Variants in APLP1 observed in about 807,000 individuals in gnomAD.
APLP1 encodes the protein amyloid beta (A4) precursor-like protein 1.
APLP1 carries 46 observed loss-of-function variants against 84.5 expected under a neutral mutation model. The ratio of observed to expected loss-of-function variants is 0.54; its 90% CI spans 0.43 to 0.70. The LOEUF (loss-of-function observed/expected upper bound fraction) is 0.70. APLP1 is among the 30% of genes least tolerant of loss of function. The probability of loss-of-function intolerance (pLI) is 0.00; values close to 1 mark genes in which losing one functional copy is unlikely to be tolerated. For missense variants in APLP1, 826 were observed against 900.2 expected, an observed-to-expected ratio of 0.92 and a Z score of 1.05; for synonymous variants, 376 against 364.0, an observed-to-expected ratio of 1.03 and a Z score of -0.38.
chr19:35,868,725 T>A lies in APLP1; in HGVS notation c.89T>A (p.Leu30His). The A allele has an allele frequency of 7.1e-7, 1 of 1,401,604 alleles. No homozygotes were observed. Among genetic ancestry groups the A allele is most frequent in the African/African-American group, 1.5e-5 (1 of 66,246 alleles). The allele number at this position is 1,401,604 out of a possible 1,614,324, so 86.8% of individuals were successfully genotyped here. The change falls in exon 1 of 17, where the codon CTT (leucine) becomes CAT (histidine). Residue 30 changes from leucine (L) to histidine (H), a missense_variant. By Grantham distance (99) the Leu-to-His change is moderately conservative. Coordinates refer to ENST00000221891, the MANE Select transcript of APLP1 (RefSeq NM_001024807.3). The surrounding 1 kb of genome is among the most constrained non-coding windows in gnomAD (Gnocchi z 5.2). ...CTGCTGCTGCCACTATTGCTGCTGC[T>A]TCTGCGCGCGCAGCCCGCCATCGGG... is the stretch of plus-strand genomic sequence containing the variant. ...LPLLLPLLLLLLRAQPAIGSL... is the reference protein window; with the variant it reads ...LPLLLPLLLLHLRAQPAIGSL...
In APLP1 at chr19:35,871,594, G is replaced by A. The variant is rs1225222789; in HGVS notation, c.538-18G>A. ...TCCCATCCCACAATCCTGGCATCTG[G>A]GCCCACTCTTCCTACAGGCCTGCAG... On this transcript the variant is annotated intron_variant, in intron 4 of 16. Transcript: ENST00000221891. 1.2e-6 allele frequency: 2 copies of A among 1,613,324 alleles called. No homozygotes were observed. The highest frequency in any genetic ancestry group is 1.7e-6 in the Non-Finnish European group (2 of 1,179,894).
chr19:35,878,638 A>T lies in APLP1; in HGVS notation c.1634A>T (p.Glu545Val). 1 of 1,614,110 alleles carries T rather than the reference A, an allele frequency of 6.2e-7. No homozygotes were observed. The highest frequency in any genetic ancestry group is 8.5e-7 in the Non-Finnish European group (1 of 1,180,016). ...GAGAAAGAGAAGATGAACCCGCTGG[A>T]ACAGTATGAGCGAAAGGTAAGTTAG... Reference protein sequence around the residue: ...SPEKEKMNPLEQYERKVNASV... With the variant: ...SPEKEKMNPLVQYERKVNASV... Residue 545 changes from glutamate to valine, a missense_variant, in exon 14 of 17, where the codon GAA (glutamate) becomes GTA (valine). Around this residue, in one of 3 missense-constraint regions of APLP1, gnomAD observed 433 missense variants for 496.5 expected, o/e 0.87. Transcript: ENST00000221891.
chr19:35,872,116 T>C (rs1974170523), intron 6 of APLP1, 80 bp downstream of exon 6: 2 of 1,515,544 alleles, frequency 1.3e-6, no homozygotes. Context: ...GGGGGTGTCT[T>C]TGGGAGGGGC....
chr19:35,873,718 G>A lies in APLP1; in HGVS notation c.1056+5G>A. On this transcript the variant is annotated splice_donor_5th_base_variant and intron_variant, in intron 8 of 16. Coordinates refer to ENST00000221891, the MANE Select transcript of APLP1 (RefSeq NM_001024807.3). ...GACAGACAGGCCCTGAATGAGGTAGGACAGCCCCAGTGGGTCCTACTCATG... is the reference window on the plus strand; with the variant it reads ...GACAGACAGGCCCTGAATGAGGTAGAACAGCCCCAGTGGGTCCTACTCATG... The A allele has an allele frequency of 6.2e-7, 1 of 1,613,624 alleles. No individual in the cohort carries two copies. The highest frequency in any genetic ancestry group is 8.5e-7 in the Non-Finnish European group (1 of 1,179,812).
chr19:35,878,693 A>G lies in APLP1; in HGVS notation c.1650+39A>G, dbSNP rs767441992. 2.5e-6 allele frequency: 4 copies of G among 1,610,592 alleles called. No individual in the cohort carries two copies. In the East Asian group the frequency reaches 8.9e-5, roughly 36 times the overall value. On this transcript the variant is annotated intron_variant, in intron 14 of 16. Transcript: ENST00000221891. ...AACTGTGGGCTCCCTAAGGGGAACAAGATCGGGGCCTATATGGCTGGGTAC... is the reference window on the plus strand; with the variant it reads ...AACTGTGGGCTCCCTAAGGGGAACAGGATCGGGGCCTATATGGCTGGGTAC...
At chr19:35,873,738 C>G in intron 8 of APLP1, 25 bp downstream of exon 8, 3 of 1,607,516 alleles carry the variant, frequency 1.9e-6, no homozygotes, top group Non-Finnish European at 2.6e-6. Flanking sequence ...GTGGGTCCTA[C>G]TCATGCCTGT....
chr19:35,873,650 A>G lies in APLP1; in HGVS notation c.993A>G (p.Glu331=), dbSNP rs1464905605. ...RMRQINEVMR[E]WAMADNQSKN... ...CCCTCCCTATGCAGGTGATGCGTGA[A>G]TGGGCCATGGCAGACAACCAGTCCA... Residue 331 remains glutamate (E), a synonymous_variant, in exon 8 of 17, where the codon GAA becomes GAG. Coordinates refer to ENST00000221891, the MANE Select transcript of APLP1 (RefSeq NM_001024807.3). The G allele has an allele frequency of 6.2e-7, 1 of 1,614,016 alleles. No individual in the cohort carries two copies. Among genetic ancestry groups the G allele is most frequent in the Non-Finnish European group, 8.5e-7 (1 of 1,180,022 alleles).
At chr19:35,873,281 C>T (rs1974203544) in intron 7 of APLP1, among the ~76,000 whole-genome samples, 1 of 144,876 alleles carries the variant, frequency 6.9e-6, no homozygotes, top group East Asian at 2.0e-4. Flanking sequence ...GAGTTTCGCT[C>T]TGTTGCCCAG....
At position 35,877,639 on chromosome 19, in the gene APLP1, C is replaced by T. The variant is rs1974315591; in HGVS notation, c.1445-79C>T. ...TGACTCTGCTGTCTGCATGATCTCC[C>T]ACTTGCTCTACTGGTAGGGTGCCCT... On this transcript the variant is annotated intron_variant, in intron 11 of 16. Coordinates refer to ENST00000221891, the MANE Select transcript of APLP1 (RefSeq NM_001024807.3). The T allele has an allele frequency of 5.5e-6, 5 of 905,780 alleles. No individual in the cohort carries two copies. In the South Asian group the frequency reaches 7.5e-5, roughly 14 times the overall value. The allele number at this position is 905,780 out of a possible 1,614,324, so 56.1% of individuals were successfully genotyped here.
rs142596936 is a variant in APLP1, at chr19:35,871,252, G to A, written c.440G>A (p.Ser147Asn). 8.7e-6 allele frequency: 14 copies of A among 1,613,500 alleles called. No individual in the cohort carries two copies. The highest frequency in any genetic ancestry group is 1.1e-5 in the Non-Finnish European group (13 of 1,179,790). The change falls in exon 4 of 17, where the codon AGT becomes AAT. Residue 147 changes from serine (S) to asparagine (N), a missense_variant. By Grantham distance (46) the Ser-to-Asn change is conservative (BLOSUM62 1). This residue lies in a region of APLP1 where 383 missense variants were observed against 378.3 expected (regional missense o/e 1.01). Coordinates refer to ENST00000221891, the MANE Select transcript of APLP1 (RefSeq NM_001024807.3). ...PFRCLPGEFV[S>N]EALLVPEGCR... is the part of the protein sequence containing the mutation. ...GCTTCCCCAGCTGGTGAATTTGTGAGTGAGGCCCTGCTGGTGCCTGAAGGC... is the reference window on the plus strand; with the variant it reads ...GCTTCCCCAGCTGGTGAATTTGTGAATGAGGCCCTGCTGGTGCCTGAAGGC...
chr19:35,874,532 A>G lies in APLP1; in HGVS notation c.1085A>G (p.Glu362Gly), dbSNP rs1201271504. Reference sequence around the variant, plus strand: ...TTCCAGTCCATTCTGCAGACTCTGGAGGAGCAGGTGTCTGGTGAGCGACAG... The same window carrying G: ...TTCCAGTCCATTCTGCAGACTCTGGGGGAGCAGGTGTCTGGTGAGCGACAG... ...EHFQSILQTL[E>G]EQVSGERQRL... The change falls in exon 9 of 17, where the codon GAG becomes GGG. Residue 362 changes from glutamate (E) to glycine (G), a missense_variant. By Grantham distance (98) the Glu-to-Gly change is moderately conservative. Transcript: ENST00000221891. The surrounding 1 kb of genome is among the most constrained non-coding windows in gnomAD (Gnocchi z 6.4). 2 of 1,614,160 alleles carry G rather than the reference A, an allele frequency of 1.2e-6. No individual in the cohort carries two copies. The highest frequency in any genetic ancestry group is 2.2e-5 in the South Asian group (2 of 91,084).
intron 13 of APLP1, 192 bp from the exon 14 acceptor site, chr19:35,878,392 A>T (rs1243585120): frequency 1.1e-5 from 7 of 657,852 alleles, no homozygotes; most frequent in Non-Finnish European, 1.8e-5. Flanking sequence ...CAAATAATTT[A>T]AAAATTACCT....
intron 2 of APLP1, 129 bp downstream of exon 2, chr19:35,869,939 A>G (rs1974100890): frequency 1.6e-6 from 2 of 1,220,646 alleles, no homozygotes; most frequent in Non-Finnish European, 2.2e-6. Flanking sequence ...AGGCGCAACT[A>G]TGCTAGGGGC....
Position 35,872,056 on chromosome 19 carries a change from C to T in APLP1, c.850+20C>T, listed in dbSNP as rs1293981061. ...GCAAAGGTGAGGCAGTCTCTGAACC[C>T]CTGGGGCCTCTCCACCATAGAGGGA... On this transcript the variant is annotated intron_variant, in intron 6 of 16. Coordinates refer to ENST00000221891, the MANE Select transcript of APLP1 (RefSeq NM_001024807.3). 1.2e-6 allele frequency: 2 copies of T among 1,608,262 alleles called. No homozygotes were observed. Among genetic ancestry groups the T allele is most frequent in the Admixed American group, 1.7e-5 (1 of 59,524 alleles).
Position 35,872,036 on chromosome 19 carries a change from G to T in APLP1, c.850G>T (p.Val284Phe). The T allele has an allele frequency of 6.2e-7, 1 of 1,613,304 alleles. No homozygotes were observed. Among genetic ancestry groups the T allele is most frequent in the Non-Finnish European group, 8.5e-7 (1 of 1,179,482 alleles). The change falls in exon 6 of 17, where the codon GTC (valine) becomes TTC (phenylalanine). Residue 284 changes from valine to phenylalanine, a missense_variant and splice_region_variant. Coordinates refer to ENST00000221891, the MANE Select transcript of APLP1 (RefSeq NM_001024807.3). ...SSHTLAVVGKVTPTPRPTDGV... is the reference protein window; with the variant it reads ...SSHTLAVVGKFTPTPRPTDGV... ...CCATACACTTGCAGTGGTCGGCAAA[G>T]GTGAGGCAGTCTCTGAACCCCTGGG...
In APLP1 at chr19:35,869,755, A is replaced by G. The variant is rs1292323235; in HGVS notation, c.236A>G (p.Gln79Arg). The G allele has an allele frequency of 6.2e-7, 1 of 1,608,962 alleles. No homozygotes were observed. The highest frequency in any genetic ancestry group is 8.5e-7 in the Non-Finnish European group (1 of 1,178,610). Residue 79 changes from glutamine to arginine, a missense_variant, in exon 2 of 17, where the codon CAG becomes CGG. Coordinates refer to ENST00000221891, the MANE Select transcript of APLP1 (RefSeq NM_001024807.3). ...ACCGGCCGCTGGGAACCAGACCCAC[A>G]GCGCTCTCGACGCTGTCTCCGGGAC... ...LRTGRWEPDP[Q>R]RSRRCLRDPQ...
rs1430569596 is a variant in APLP1, at chr19:35,869,805, A to G, written c.286A>G (p.Arg96Gly). The change falls in exon 2 of 17, where the codon AGA (arginine) becomes GGA (glycine). Residue 96 changes from arginine to glycine, a missense_variant. By Grantham distance (125) the Arg-to-Gly change is moderately radical. This residue lies in a region of APLP1 where 383 missense variants were observed against 378.3 expected (regional missense o/e 1.01). Coordinates refer to ENST00000221891, the MANE Select transcript of APLP1 (RefSeq NM_001024807.3). ...RDPQRVLEYCRQMYPELQIAR... is the reference protein window; with the variant it reads ...RDPQRVLEYCGQMYPELQIAR... ...CCCGCAGCGCGTGCTGGAGTACTGCAGACAGGTGGGCGGGGCCGAACGGGA... is the reference window on the plus strand; with the variant it reads ...CCCGCAGCGCGTGCTGGAGTACTGCGGACAGGTGGGCGGGGCCGAACGGGA... 3.8e-6 allele frequency: 6 copies of G among 1,595,576 alleles called. 1 individual carries two copies. The South Asian group carries it at 5.6e-5, about 15-fold the overall frequency.
In APLP1 at chr19:35,879,143, T is replaced by G. The variant is rs1974353467; in HGVS notation, c.1783T>G (p.Ser595Ala). Residue 595 changes from serine to alanine, a missense_variant, in exon 16 of 17, where the codon TCC becomes GCC. Around this residue, in one of 3 missense-constraint regions of APLP1, gnomAD observed 433 missense variants for 496.5 expected, o/e 0.87. Transcript: ENST00000221891. ...GCTGATCATGGGAGCGGGCGGAGGC[T>G]CCCTCATCGTCCTCTCCATGCTGCT... ...GLLIMGAGGG[S>A]LIVLSMLLLR... 1 of 1,612,254 alleles carries G rather than the reference T, an allele frequency of 6.2e-7. No homozygotes were observed. The highest frequency in any genetic ancestry group is 8.5e-7 in the Non-Finnish European group (1 of 1,179,978).
intron 8 of APLP1, 33 bp downstream of exon 8, chr19:35,873,746 T>C (rs1054119615): frequency 6.3e-7 from 1 of 1,598,076 alleles, no homozygotes; most frequent in Non-Finnish European, 8.6e-7. Flanking sequence ...TACTCATGCC[T>C]GTCCACCACC....
Sources: gnomAD v4.1 joint callset for allele counts (sites outside exome capture counted in the v4.1 genomes callset) on GRCh38, gnomAD v4.1.1 for gene constraint, gnomAD v4.1.1 regional missense constraint, Gnocchi (gnomAD v3.1) non-coding constraint, MANE v1.5 for transcripts, NCBI Gene and HGNC (gene_info 2026-07-23, HGNC 2026-07-21) for gene names.